KCNU1: variants seen among roughly 807,000 people sequenced by gnomAD.
The protein encoded by KCNU1 is potassium channel subfamily U member 1.
KCNU1 carries 93 observed loss-of-function variants against 126.8 expected under a neutral mutation model. The ratio of observed to expected loss-of-function variants is 0.73; its 90% CI spans 0.62 to 0.87. KCNU1 has a LOEUF of 0.87. KCNU1 is among the 40% of genes least tolerant of loss of function. The pLI, the probability that KCNU1 is intolerant of heterozygous loss-of-function variation, is 0.00. For missense variants in KCNU1, 1,330 were observed against 1,367.1 expected (o/e 0.97, Z 0.43); for synonymous variants, 523 against 494.2 (o/e 1.06, Z -0.77).
chr8:36,898,577 A>G (rs1181675341), intron 19 of KCNU1, among the ~76,000 whole-genome samples: 1 of 151,456 alleles, frequency 6.6e-6, no homozygotes, highest in Admixed American at 6.6e-5. Flanking sequence ...AAAGGAAAAA[A>G]GAAAAAAAAA....
chr8:36,862,338 C>A (rs931677223), intron 18 of KCNU1, among the ~76,000 whole-genome samples: 1 of 152,068 alleles, frequency 6.6e-6, no homozygotes, highest in African/African-American at 2.4e-5. Context: ...ATATTTGAAG[C>A]AATATTGAAA....
At chr8:36,851,266 G>A (rs924749875) in intron 18 of KCNU1, among the ~76,000 whole-genome samples, 6 of 152,122 alleles carry the variant, frequency 3.9e-5, no homozygotes, top group African/African-American at 1.4e-4. Context: ...GTGAGTCAAG[G>A]GAGGAACCTG....
chr8:36,933,471 C>T (rs1808761744), intron 26 of KCNU1, among the ~76,000 whole-genome samples: 1 of 152,076 alleles, frequency 6.6e-6, no homozygotes, highest in Non-Finnish European at 1.5e-5. Flanking sequence ...ACATATAAAT[C>T]ATGGGGGTGA....
chr8:36,859,725 A>T (rs1461695839), intron 18 of KCNU1, among the ~76,000 whole-genome samples: 2 of 152,236 alleles, frequency 1.3e-5, no homozygotes, highest in Non-Finnish European at 2.9e-5. Flanking sequence ...AGTGCTGGTT[A>T]AGAACATGAA....
intron 18 of KCNU1, among the ~76,000 whole-genome samples, chr8:36,857,802 C>T (rs1329026683): frequency 2.0e-5 from 3 of 151,900 alleles, no homozygotes; most frequent in South Asian, 2.1e-4. Context: ...CTTGCCACCA[C>T]ATGCAGCTAA....
intron 24 of KCNU1, among the ~76,000 whole-genome samples, chr8:36,929,640 CAG>C (rs1173697272): frequency 2.0e-5 from 3 of 151,984 alleles, no homozygotes; most frequent in Non-Finnish European, 4.4e-5. Flanking sequence ...GCTGATGAAC[CAG>C]AGTTTCAGAA....
At chr8:36,922,936 A>G in intron 24 of KCNU1, 1 of 513,656 alleles carries the variant, frequency 1.9e-6, no homozygotes, top group South Asian at 1.5e-5. Context: ...TTGGCATCAG[A>G]GCTCAGGAGA....
At chr8:36,895,369 G>T (rs1023963210) in intron 19 of KCNU1, among the ~76,000 whole-genome samples, 1 of 152,056 alleles carries the variant, frequency 6.6e-6, no homozygotes, top group African/African-American at 2.4e-5. Flanking sequence ...ATGAGCCACT[G>T]TACCTGGCCT....
chr8:36,840,421 T>G, intron 14 of KCNU1, 42 bp from the exon 15 acceptor site: 1 of 913,118 alleles, frequency 1.1e-6, no homozygotes, highest in Non-Finnish European at 1.8e-6. Context: ...CATTCTACAT[T>G]CCTTGTCGTT....
intron 18 of KCNU1, among the ~76,000 whole-genome samples, chr8:36,858,991 A>T (rs1210387872): frequency 6.6e-6 from 1 of 152,156 alleles, no homozygotes; most frequent in Non-Finnish European, 1.5e-5. Flanking sequence ...CTCCAGCTGG[A>T]ACTCTATTAA....
intron 10 of KCNU1, among the ~76,000 whole-genome samples, chr8:36,824,045 C>T (rs558446260): frequency 8.6e-5 from 13 of 152,004 alleles, no homozygotes; most frequent in Non-Finnish European, 1.5e-4. Flanking sequence ...CCATGTTGGC[C>T]GGGCTGGTCT....
At chr8:36,840,149 A>C (rs1301890995) in intron 14 of KCNU1, among the ~76,000 whole-genome samples, 1 of 152,242 alleles carries the variant, frequency 6.6e-6, no homozygotes, top group Non-Finnish European at 1.5e-5. Flanking sequence ...TCTGATTCTT[A>C]CTAACTGAAA....
intron 7 of KCNU1, among the ~76,000 whole-genome samples, chr8:36,810,299 C>G (rs535811830): frequency 6.6e-6 from 1 of 151,994 alleles, no homozygotes; most frequent in South Asian, 2.1e-4. Flanking sequence ...CTATGTACAG[C>G]AGGTGCTCTT....
In KCNU1 at chr8:36,805,580, C is replaced by T. The variant is rs1290902161; in HGVS notation, c.468+295C>T. Among the ~76,000 whole-genome samples, 5 of 152,144 alleles carry T rather than the reference C, an allele frequency of 3.3e-5. No homozygotes were observed. In the East Asian group the frequency reaches 5.8e-4, roughly 18 times the overall value. On this transcript the variant is annotated intron_variant, in intron 4 of 26. Transcript: ENST00000399881. ...TCCCATCTTTACTAATAATGACAAG[C>T]GAGCAGAACTTGAGTAGCAAGTCTC... is the stretch of plus-strand genomic sequence containing the variant.
In KCNU1 at chr8:36,787,337, G is replaced by T; in HGVS notation, c.227G>T (p.Ser76Ile). ...TTCACATCAGGTACCATCGCTAGGA[G>T]CCATGTAAGAAGCCTCCACTTCCAG... ...ELFTSGTIAR[S>I]HVRSLHFQGQ... is the part of the protein sequence containing the mutation. The change falls in exon 2 of 27, where the codon AGC (serine) becomes ATC (isoleucine). Residue 76 changes from serine (S) to isoleucine (I), a missense_variant. Transcript: ENST00000399881. 7.4e-6 allele frequency: 12 copies of T among 1,611,950 alleles called. No individual in the cohort carries two copies. Among genetic ancestry groups the T allele is most frequent in the Non-Finnish European group, 1.0e-5 (12 of 1,178,760 alleles).
At chr8:36,912,115 T>G (rs1288438592) in intron 22 of KCNU1, among the ~76,000 whole-genome samples, 1 of 152,196 alleles carries the variant, frequency 6.6e-6, no homozygotes, top group African/African-American at 2.4e-5. Context: ...TACTCAATCC[T>G]TGGGCCATGC....
intron 19 of KCNU1, among the ~76,000 whole-genome samples, chr8:36,898,297 C>G (rs1434469581): frequency 6.6e-6 from 1 of 151,200 alleles, no homozygotes; most frequent in Non-Finnish European, 1.5e-5. Flanking sequence ...CTGTATCCCT[C>G]TCTCACATAC....
intron 10 of KCNU1, among the ~76,000 whole-genome samples, chr8:36,826,528 A>C (rs1804330712): frequency 6.6e-6 from 1 of 151,462 alleles, no homozygotes; most frequent in Admixed American, 6.6e-5. Flanking sequence ...TGAATTTCTT[A>C]CCCTCTCTTT....
chr8:36,922,568 G>A lies in KCNU1; in HGVS notation c.2675G>A (p.Ser892Asn). The change falls in exon 24 of 27, where the codon AGC becomes AAC. Residue 892 changes from serine to asparagine, a missense_variant. Ser to Asn is a conservative substitution (Grantham distance 46). This residue lies in a region of KCNU1 where 1,054 missense variants were observed against 1,053.9 expected (regional missense o/e 1.00). Coordinates refer to ENST00000399881, the MANE Select transcript of KCNU1 (RefSeq NM_001031836.3). ...CTCCAAGAAACAAATCTGCATCTCA[G>A]CACTGCCTTTTCTACGGGCACTGTT... ...GSLQETNLHL[S>N]TAFSTGTVFS... is the part of the protein sequence containing the mutation. 6.2e-7 allele frequency: 1 copy of A among 1,613,698 alleles called. No individual in the cohort carries two copies. The highest frequency in any genetic ancestry group is 8.5e-7 in the Non-Finnish European group (1 of 1,179,744).
Sources: allele counts gnomAD v4.1 joint callset (sites outside exome capture counted in the v4.1 genomes callset), GRCh38; gene constraint gnomAD v4.1.1; regional missense constraint gnomAD v4.1.1; transcripts MANE v1.5; gene names NCBI Gene and HGNC (gene_info 2026-07-23, HGNC 2026-07-21).